SP100: variants seen among roughly 807,000 people sequenced by gnomAD.
SP100 encodes the protein SP100 nuclear body protein, also known as nuclear autoantigen Sp-100.
A neutral mutation model predicts 130.0 loss-of-function variants in SP100; 84 were observed. The ratio of observed to expected loss-of-function variants is 0.65; its 90% CI spans 0.54 to 0.77. SP100 has a LOEUF of 0.77. Ranked by LOEUF, SP100 falls within the 30% of genes least tolerant of loss-of-function variation. SP100 has a pLI of 0.00. For synonymous variants in SP100, 331 were observed against 351.7 expected (o/e 0.94, Z 0.66); for missense variants, 978 against 1,052.2 (o/e 0.93, Z 0.97).
intron 13 of SP100, 127 bp from the exon 14 acceptor site, chr2:230,468,916 T>C: frequency 1.9e-6 from 1 of 538,960 alleles, no homozygotes; most frequent in Non-Finnish European, 3.2e-6. Flanking sequence ...TTCCCTTAGA[T>C]GGGAAGAGAC....
intron 2 of SP100, among the ~76,000 whole-genome samples, chr2:230,435,085 A>G (rs1402407654): frequency 6.6e-6 from 1 of 152,220 alleles, no homozygotes; most frequent in African/African-American, 2.4e-5. Flanking sequence ...AGATGTTGCC[A>G]CATCTTTTCT....
chr2:230,519,552 G>T (rs1402455372), intron 24 of SP100, among the ~76,000 whole-genome samples: 1 of 152,174 alleles, frequency 6.6e-6, no homozygotes, highest in East Asian at 1.9e-4. Flanking sequence ...AAGAGAACAA[G>T]TAGAAAGGAA....
At chr2:230,424,011 G>C (rs2062848038) in intron 2 of SP100, among the ~76,000 whole-genome samples, 1 of 152,232 alleles carries the variant, frequency 6.6e-6, no homozygotes, top group Non-Finnish European at 1.5e-5. Flanking sequence ...ACTAATGCCA[G>C]ATAGTAGAGA....
chr2:230,506,219 G>A, intron 21 of SP100, 84 bp from the exon 22 acceptor site: 2 of 1,453,112 alleles, frequency 1.4e-6, no homozygotes, highest in Non-Finnish European at 1.9e-6. Context: ...AGCCCAAAGT[G>A]GGTGGCCCCA....
chr2:230,444,401 G>A (rs1204298747), intron 4 of SP100, 55 bp downstream of exon 4: 1 of 1,393,978 alleles, frequency 7.2e-7, no homozygotes, highest in Non-Finnish European at 1.0e-6. Context: ...TTTTCAATAA[G>A]TATATACTGA....
At chr2:230,469,517 T>C (rs2065157984) in intron 14 of SP100, 1 of 456,692 alleles carries the variant, frequency 2.2e-6, no homozygotes, top group Non-Finnish European at 4.4e-6. Context: ...AGGATTGTAT[T>C]CAGAAAAGAT....
At chr2:230,508,097 A>G (rs60412659) in intron 23 of SP100, 66 bp downstream of exon 23, 2 of 1,588,774 alleles carry the variant, frequency 1.3e-6, no homozygotes. Flanking sequence ...ATCTCTGTGG[A>G]CTTACAGTCT....
chr2:230,428,012 C>T (rs571278000), intron 2 of SP100, among the ~76,000 whole-genome samples: 50 of 152,234 alleles, frequency 3.3e-4, no homozygotes, highest in African/African-American at 1.2e-3. Flanking sequence ...GGGTGGATCA[C>T]TTGAGGTCAG....
At chr2:230,473,118 C>A (rs2065357737) in intron 15 of SP100, 1 of 467,684 alleles carries the variant, frequency 2.1e-6, no homozygotes, top group East Asian at 3.5e-5. Flanking sequence ...ATTAATTGAC[C>A]CTTTATTTCA....
chr2:230,518,099 G>A (rs189133881), intron 24 of SP100, among the ~76,000 whole-genome samples: 1 of 122,592 alleles, frequency 8.2e-6, no homozygotes, highest in Admixed American at 8.2e-5. Flanking sequence ...TTTTACTTTA[G>A]AACAAAAAAC....
chr2:230,470,723 A>G (rs1385651963), intron 15 of SP100, among the ~76,000 whole-genome samples: 1 of 152,226 alleles, frequency 6.6e-6, no homozygotes, highest in African/African-American at 2.4e-5. Context: ...TAAAGAAACA[A>G]TAGAAACTAG....
intron 13 of SP100, among the ~76,000 whole-genome samples, chr2:230,468,064 T>C (rs1020335899): frequency 6.6e-6 from 1 of 152,182 alleles, no homozygotes; most frequent in Admixed American, 6.5e-5. Flanking sequence ...TAAGATCTAC[T>C]TGCATCTTTA....
intron 18 of SP100, among the ~76,000 whole-genome samples, chr2:230,497,570 AGG>A (rs2066761763): frequency 8.3e-6 from 1 of 120,584 alleles, no homozygotes; most frequent in African/African-American, 2.7e-5. Flanking sequence ...AGGAAAGGAA[AGG>A]AAAGGAAAGG....
chr2:230,481,470 T>A (rs143425115), intron 17 of SP100, among the ~76,000 whole-genome samples: 70 of 152,314 alleles, frequency 4.6e-4, no homozygotes, highest in African/African-American at 1.6e-3. Context: ...ATCATCAAGT[T>A]CCAAGACTAT....
intron 2 of SP100, among the ~76,000 whole-genome samples, chr2:230,421,477 CCTGA>C (rs1480185230): frequency 4.1e-5 from 6 of 146,506 alleles, no homozygotes; most frequent in Admixed American, 1.4e-4. Flanking sequence ...CCAGTAGCCT[CCTGA>C]CTAAGAGTTT....
At position 230,504,011 on chromosome 2, in the gene SP100, G is replaced by A. The variant is rs545788422; in HGVS notation, c.1766-175G>A. ...TTAGAGGGTGGAATGGAGGACAACAGTATCTACAGCTATCTAATGTGCCAT... is the reference window on the plus strand; with the variant it reads ...TTAGAGGGTGGAATGGAGGACAACAATATCTACAGCTATCTAATGTGCCAT... On this transcript the variant is annotated intron_variant, in intron 20 of 28. Transcript: ENST00000340126. 5.3e-5 allele frequency among the ~76,000 whole-genome samples: 8 copies of A among 152,276 alleles called. No homozygotes were observed. In the South Asian group the frequency reaches 1.7e-3, roughly 32 times the overall value.
In SP100 at chr2:230,542,846, T is replaced by C. The variant is rs1210545313; in HGVS notation, c.2558T>C (p.Phe853Ser). The change falls in exon 29 of 29, where the codon TTC becomes TCC. Residue 853 changes from phenylalanine to serine, a missense_variant. Physicochemically the swap from Phe to Ser is radical, Grantham distance 155. Coordinates refer to ENST00000340126, the MANE Select transcript of SP100 (RefSeq NM_001080391.2). ...NHKEFYREDK[F>S]TRLGIQVQDI... Reference sequence around the variant, plus strand: ...TCTTTGCTTTTTTAGGAAGATAAATTCACCAGACTGGGAATTCAAGTACAG... The same window carrying C: ...TCTTTGCTTTTTTAGGAAGATAAATCCACCAGACTGGGAATTCAAGTACAG... 5.0e-6 allele frequency: 8 copies of C among 1,606,456 alleles called. No homozygotes were observed. Among genetic ancestry groups the C allele is most frequent in the Non-Finnish European group, 6.0e-6 (7 of 1,173,354 alleles).
At chr2:230,457,000 T>C (rs1351375220) in intron 8 of SP100, among the ~76,000 whole-genome samples, 1 of 152,242 alleles carries the variant, frequency 6.6e-6, no homozygotes, top group Non-Finnish European at 1.5e-5. Flanking sequence ...TTGCCTTACA[T>C]TTATGTCTGT....
In SP100 at chr2:230,539,276, T is replaced by G; in HGVS notation, c.2104T>G (p.Ser702Ala). The change falls in exon 25 of 29, where the codon TCA becomes GCA. Residue 702 changes from serine to alanine, a missense_variant. Physicochemically the swap from Ser to Ala is moderately conservative, Grantham distance 99 (BLOSUM62 1). Transcript: ENST00000340126. The stretch of plus-strand genomic sequence containing the variant: ...ACATCTCCCCTTCTAGCCGGAAAAC[T>G]CAAATATATGTGAGGTGTGCAACAA... ...NTLVDPCPEN[S>A]NICEVCNKWG... 1 of 1,613,324 alleles carries G rather than the reference T, an allele frequency of 6.2e-7. No homozygotes were observed.
Sources: gnomAD v4.1 joint callset for allele counts (sites outside exome capture counted in the v4.1 genomes callset) on GRCh38, gnomAD v4.1.1 for gene constraint, MANE v1.5 for transcripts, NCBI Gene and HGNC (gene_info 2026-07-23, HGNC 2026-07-21) for gene names.